The following JPH3 variants were observed in gnomAD, a reference collection of about 807,000 sequenced individuals.
The protein encoded by JPH3 is junctophilin 3.
Under a neutral mutation model 59.6 loss-of-function variants are expected in JPH3, and 11 were observed. That is an observed-to-expected ratio of 0.18 (90% confidence interval 0.12 to 0.31). JPH3 has a LOEUF of 0.31. JPH3 is among the 10% of genes least tolerant of loss of function. JPH3 has a pLI of 1.00. For missense variants in JPH3, 1,202 were observed against 1,105.7 expected, an observed-to-expected ratio of 1.09 and a Z score of -1.24; for synonymous variants, 673 against 483.6, an observed-to-expected ratio of 1.39 and a Z score of -5.14.
chr16:87,687,039 T>G (rs2033436093), intron 3 of JPH3, among the ~76,000 whole-genome samples: 1 of 152,162 alleles, frequency 6.6e-6, no homozygotes, highest in African/African-American at 2.4e-5. Context: ...GGAGGGGGCG[T>G]TGGGACCGTG....
At position 87,690,627 on chromosome 16, in the gene JPH3, G is replaced by T. The variant is rs183424218; in HGVS notation, c.2166+101G>T. On this transcript the variant is annotated intron_variant, in intron 4 of 4. Coordinates refer to ENST00000284262, the MANE Select transcript of JPH3 (RefSeq NM_020655.4). The stretch of plus-strand genomic sequence containing the variant: ...TTTCCAGCAAGGTCACTGCTCCCCT[G>T]TTCCTCTCCAGGGGTGGAGTAGGGT... 1.7e-3 allele frequency: 2,145 copies of T among 1,257,496 alleles called. 7 individuals are homozygous for T. The highest frequency in any genetic ancestry group is 7.0e-3 in the Admixed American group (197 of 28,240). The allele number at this position is 1,257,496 out of a possible 1,614,324, so 77.9% of individuals were successfully genotyped here. A position where few individuals can be genotyped will look rare whatever the true frequency, so the allele number is the denominator to read the frequency against.
intron 4 of JPH3, among the ~76,000 whole-genome samples, chr16:87,691,538 G>C (rs1432398753): frequency 1.3e-5 from 2 of 152,164 alleles, no homozygotes; most frequent in Admixed American, 6.5e-5. Context: ...TGTCGACGCT[G>C]CGGCAGGGGT....
intron 3 of JPH3, 38 bp downstream of exon 3, chr16:87,684,304 G>A (rs539338793): frequency 6.6e-5 from 106 of 1,608,742 alleles, no homozygotes; most frequent in Non-Finnish European, 8.7e-5. Context: ...ATCGTGGGGA[G>A]GGGGTGCGTG....
At chr16:87,629,181 T>C (rs1044174999) in intron 1 of JPH3, among the ~76,000 whole-genome samples, 3 of 152,106 alleles carry the variant, frequency 2.0e-5, no homozygotes, top group Admixed American at 6.5e-5. Flanking sequence ...GCTGTCTCGG[T>C]ATTTCACAAG....
At chr16:87,615,397 C>T (rs999082307) in intron 1 of JPH3, among the ~76,000 whole-genome samples, 2 of 152,200 alleles carry the variant, frequency 1.3e-5, no homozygotes, top group African/African-American at 4.8e-5. Flanking sequence ...ATACCCAGAA[C>T]CTTCTTTCTT....
At chr16:87,604,074 GCAGTACA>G in intron 1 of JPH3, 1 of 985,430 alleles carries the variant, frequency 1.0e-6, no homozygotes, top group South Asian at 4.7e-5. Flanking sequence ...AAACAGCCAG[GCAGTACA>G]CTTCTAGGTG....
intron 2 of JPH3, among the ~76,000 whole-genome samples, chr16:87,678,637 G>A (rs2033210260): frequency 6.6e-6 from 1 of 152,154 alleles, no homozygotes; most frequent in Non-Finnish European, 1.5e-5. Context: ...CAAAAGCTAG[G>A]TCTGCCTGGC....
chr16:87,662,164 T>G (rs576239281), intron 2 of JPH3, among the ~76,000 whole-genome samples: 33 of 152,304 alleles, frequency 2.2e-4, no homozygotes, highest in African/African-American at 7.7e-4. Flanking sequence ...CACAGGGACA[T>G]CCCGAAGCGC....
intron 2 of JPH3, among the ~76,000 whole-genome samples, chr16:87,682,803 T>C (rs1225600530): frequency 6.6e-6 from 1 of 152,104 alleles, no homozygotes; most frequent in Non-Finnish European, 1.5e-5. Context: ...GTTTCCCCAT[T>C]GTTGGGGAAG....
intron 2 of JPH3, among the ~76,000 whole-genome samples, chr16:87,659,810 C>G (rs1326984722): frequency 6.6e-6 from 1 of 152,160 alleles, no homozygotes; most frequent in Non-Finnish European, 1.5e-5. Flanking sequence ...ACCATGACCA[C>G]CATCTATCTC....
intron 4 of JPH3, chr16:87,694,321 G>T (rs3812971): frequency 0.42 from 63,963 of 152,136 alleles, 14,971 homozygotes; most frequent in African/African-American, 0.64. Flanking sequence ...GTGCTGGCGT[G>T]AGGCCCTTCA....
intron 1 of JPH3, among the ~76,000 whole-genome samples, chr16:87,618,043 A>G (rs1161952960): frequency 1.3e-5 from 2 of 152,128 alleles, no homozygotes; most frequent in African/African-American, 4.8e-5. Flanking sequence ...CTGCGCCTGC[A>G]GTCCCAGCCA....
intron 2 of JPH3, among the ~76,000 whole-genome samples, chr16:87,660,623 G>T (rs758623898): frequency 1.6e-4 from 25 of 152,162 alleles, no homozygotes; most frequent in Non-Finnish European, 3.1e-4. Context: ...TTTTGTAGAG[G>T]AAGCCACAGC....
chr16:87,634,435 CT>C (rs1415037594), intron 1 of JPH3, among the ~76,000 whole-genome samples: 2 of 152,218 alleles, frequency 1.3e-5, no homozygotes, highest in Non-Finnish European at 2.9e-5. Flanking sequence ...ACAGGAGCCA[CT>C]TCTGAGTTCC....
intron 1 of JPH3, among the ~76,000 whole-genome samples, chr16:87,605,244 C>A (rs1269797833): frequency 2.0e-5 from 3 of 152,234 alleles, no homozygotes; most frequent in Admixed American, 2.0e-4. Flanking sequence ...GTCTCTGAAA[C>A]TCCTCAGAAT....
At chr16:87,663,094 T>C (rs1303029418) in intron 2 of JPH3, among the ~76,000 whole-genome samples, 1 of 151,472 alleles carries the variant, frequency 6.6e-6, no homozygotes, top group Non-Finnish European at 1.5e-5. Context: ...CTGGTTGTAT[T>C]GTTTCAAGGT....
chr16:87,650,376 C>T (rs992240658), intron 2 of JPH3, among the ~76,000 whole-genome samples: 9 of 152,172 alleles, frequency 5.9e-5, no homozygotes, highest in Middle Eastern at 3.2e-3. Flanking sequence ...CTCCCCCATC[C>T]CTCTCTCTCC....
At chr16:87,648,457 G>A (rs1293146491) in intron 2 of JPH3, among the ~76,000 whole-genome samples, 1 of 152,122 alleles carries the variant, frequency 6.6e-6, no homozygotes, top group Admixed American at 6.5e-5. Flanking sequence ...AGCTGGCACT[G>A]TCCTCACCCG....
At position 87,689,673 on chromosome 16, in the gene JPH3, A is replaced by T. The variant is rs758632314; in HGVS notation, c.1313A>T (p.Gln438Leu). 1.2e-6 allele frequency: 2 copies of T among 1,612,204 alleles called. No individual in the cohort carries two copies. Among genetic ancestry groups the T allele is most frequent in the Non-Finnish European group, 1.7e-6 (2 of 1,179,690 alleles). ...NGLEYQRPKR[Q>L]TSCDDIEVLS... is the part of the protein sequence containing the mutation. ...CTGGAGTACCAGAGGCCGAAGCGTC[A>T]GACCTCCTGTGACGACATCGAGGTG... The change falls in exon 4 of 5, where the codon CAG becomes CTG. Residue 438 changes from glutamine to leucine, a missense_variant. Gln to Leu is a moderately radical substitution (Grantham distance 113). Coordinates refer to ENST00000284262, the MANE Select transcript of JPH3 (RefSeq NM_020655.4).
Sources: gnomAD v4.1 joint callset for allele counts (sites outside exome capture counted in the v4.1 genomes callset) on GRCh38, gnomAD v4.1.1 for gene constraint, MANE v1.5 for transcripts, NCBI Gene and HGNC (gene_info 2026-07-23, HGNC 2026-07-21) for gene names.